LCLAT1: variants seen among roughly 807,000 people sequenced by gnomAD.
LCLAT1 encodes the protein 1-AGP acyltransferase 8.
A neutral mutation model predicts 30.7 loss-of-function variants in LCLAT1; 11 were observed. That is an observed-to-expected ratio of 0.36 (90% CI 0.23 to 0.59). The LOEUF (loss-of-function observed/expected upper bound fraction) is 0.59, where lower values mean the gene tolerates loss of function less well. Ranked by LOEUF, LCLAT1 falls within the 20% of genes least tolerant of loss-of-function variation. LCLAT1 has a pLI of 0.77. For synonymous variants in LCLAT1, 155 were observed against 151.3 expected (o/e 1.02, Z -0.18); for missense variants, 402 against 458.6 (o/e 0.88, Z 1.13).
intron 1 of LCLAT1, among the ~76,000 whole-genome samples, chr2:30,509,296 A>G (rs1160981312): frequency 6.6e-6 from 1 of 152,140 alleles, no homozygotes; most frequent in Non-Finnish European, 1.5e-5. Flanking sequence ...AGGATTTCCA[A>G]TTCTATGTTG....
intron 5 of LCLAT1, among the ~76,000 whole-genome samples, chr2:30,581,434 GT>G (rs1666209390): frequency 2.0e-5 from 3 of 152,176 alleles, no homozygotes; most frequent in Admixed American, 2.0e-4. Flanking sequence ...AAATTAGTAT[GT>G]TGAAGAGACA....
At chr2:30,598,727 T>G (rs183857969) in intron 5 of LCLAT1, among the ~76,000 whole-genome samples, 13 of 152,280 alleles carry the variant, frequency 8.5e-5, no homozygotes, top group African/African-American at 3.1e-4. Flanking sequence ...GTTCTCTAGT[T>G]CTTTTAGTTG....
chr2:30,564,989 T>C (rs898405874), intron 4 of LCLAT1, among the ~76,000 whole-genome samples: 1 of 152,170 alleles, frequency 6.6e-6, no homozygotes, highest in African/African-American at 2.4e-5. Flanking sequence ...AAGTGAACAC[T>C]ATTTTAATTT....
chr2:30,632,558 A>G (rs150570731), intron 5 of LCLAT1, among the ~76,000 whole-genome samples: 68 of 152,364 alleles, frequency 4.5e-4, no homozygotes, highest in African/African-American at 1.4e-3. Flanking sequence ...ACAAGGAGAA[A>G]GAAGGAAGGT....
Position 30,525,598 on chromosome 2 carries a change from C to T in LCLAT1, c.8C>T (p.Ser3Leu). The change falls in exon 2 of 6, where the codon TCA becomes TTA. Residue 3 changes from serine (S) to leucine (L), a missense_variant. Coordinates refer to ENST00000379509, the MANE Select transcript of LCLAT1 (RefSeq NM_001002257.3). The part of the protein sequence containing the change: MV[S>L]WKGIYFILTL... ...TTTATATCTTTCAGAATCATGGTGT[C>T]ATGGAAAGGGATTTACTTTATACTG... 1 of 1,612,734 alleles carries T rather than the reference C, an allele frequency of 6.2e-7. No individual in the cohort carries two copies. Among genetic ancestry groups the T allele is most frequent in the South Asian group, 1.1e-5 (1 of 91,008 alleles).
At chr2:30,540,514 A>T (rs1270645661) in intron 3 of LCLAT1, among the ~76,000 whole-genome samples, 2 of 152,340 alleles carry the variant, frequency 1.3e-5, no homozygotes, top group East Asian at 1.9e-4. Context: ...CATCCATAGG[A>T]ATTAAATCAA....
intron 5 of LCLAT1, among the ~76,000 whole-genome samples, chr2:30,636,012 G>T (rs1476082920): frequency 2.0e-5 from 3 of 152,096 alleles, no homozygotes; most frequent in African/African-American, 7.2e-5. Flanking sequence ...TGGCAACCAG[G>T]TACCCAAATG....
chr2:30,640,470 T>G lies in LCLAT1; in HGVS notation c.982T>G (p.Leu328Val). The part of the protein sequence containing the change: ...FSPAMCLLIY[L>V]YSLVKWYFII... ...CCCTGCAATGTGCCTACTCATATATTTGTACAGTCTTGTTAAGTGGTATTT... is the reference window on the plus strand; with the variant it reads ...CCCTGCAATGTGCCTACTCATATATGTGTACAGTCTTGTTAAGTGGTATTT... Residue 328 changes from leucine (L) to valine (V), a missense_variant, in exon 6 of 6, where the codon TTG (leucine) becomes GTG (valine). Physicochemically the swap from Leu to Val is conservative, Grantham distance 32. Coordinates refer to ENST00000379509, the MANE Select transcript of LCLAT1 (RefSeq NM_001002257.3). 1 of 1,614,184 alleles carries G rather than the reference T, an allele frequency of 6.2e-7. No homozygotes were observed.
intron 2 of LCLAT1, 114 bp downstream of exon 2, chr2:30,525,869 C>A: frequency 1.2e-6 from 1 of 807,738 alleles, no homozygotes; most frequent in Non-Finnish European, 2.0e-6. Flanking sequence ...ATATCCTAGG[C>A]ACATCCTTCT....
intron 3 of LCLAT1, among the ~76,000 whole-genome samples, chr2:30,538,411 G>A (rs568093916): frequency 2.6e-5 from 4 of 152,290 alleles, no homozygotes; most frequent in Non-Finnish European, 4.4e-5. Context: ...GGGAGGCCAA[G>A]GCGGGTGGAT....
At chr2:30,518,785 T>C (rs1414819538) in intron 1 of LCLAT1, among the ~76,000 whole-genome samples, 1 of 152,202 alleles carries the variant, frequency 6.6e-6, no homozygotes, top group East Asian at 1.9e-4. Flanking sequence ...TCTCAATTCT[T>C]GTTTGCCTTT....
intron 1 of LCLAT1, among the ~76,000 whole-genome samples, chr2:30,455,418 A>G (rs1681782968): frequency 1.3e-5 from 2 of 152,186 alleles, no homozygotes. Context: ...TTCTGAAATC[A>G]TTATCAGTCA....
chr2:30,488,995 CTTT>C (rs1243181155), intron 1 of LCLAT1, among the ~76,000 whole-genome samples: 1 of 152,148 alleles, frequency 6.6e-6, no homozygotes, highest in Non-Finnish European at 1.5e-5. Context: ...TCTGTAATCA[CTTT>C]TTGGCCCAGG....
chr2:30,630,715 G>A (rs1024279527), intron 5 of LCLAT1, among the ~76,000 whole-genome samples: 6 of 152,188 alleles, frequency 3.9e-5, no homozygotes, highest in African/African-American at 1.4e-4. Context: ...CTCTTCACCT[G>A]AGAGAAGTCC....
chr2:30,616,179 TTTG>T (rs906401101), intron 5 of LCLAT1, among the ~76,000 whole-genome samples: 16 of 152,290 alleles, frequency 1.1e-4, no homozygotes, highest in African/African-American at 3.6e-4. Flanking sequence ...GAACGGTTTT[TTTG>T]TTGTTGTATT....
At chr2:30,537,034 A>G (rs778767022) in intron 3 of LCLAT1, among the ~76,000 whole-genome samples, 45 of 152,370 alleles carry the variant, frequency 3.0e-4, no homozygotes, top group Middle Eastern at 3.4e-3. Context: ...AAGAAATTCT[A>G]TGCACATGGA....
At chr2:30,572,499 G>A (rs936142456) in intron 5 of LCLAT1, among the ~76,000 whole-genome samples, 3 of 152,128 alleles carry the variant, frequency 2.0e-5, no homozygotes, top group Admixed American at 1.3e-4. Context: ...CCATTCATAC[G>A]TATCCCCTAA....
intron 1 of LCLAT1, among the ~76,000 whole-genome samples, chr2:30,463,358 A>G (rs974043308): frequency 1.2e-4 from 18 of 152,148 alleles, no homozygotes; most frequent in African/African-American, 4.3e-4. Flanking sequence ...AAACGTTATC[A>G]TACATAGAGA....
intron 1 of LCLAT1, among the ~76,000 whole-genome samples, chr2:30,456,282 ACT>A (rs1242228807): frequency 6.6e-6 from 1 of 151,648 alleles, no homozygotes; most frequent in Non-Finnish European, 1.5e-5. Flanking sequence ...GAAAGTTCTG[ACT>A]CTCTGCTAGG....
Sources: gnomAD v4.1 joint callset for allele counts (sites outside exome capture counted in the v4.1 genomes callset) on GRCh38, gnomAD v4.1.1 for gene constraint, MANE v1.5 for transcripts, NCBI Gene and HGNC (gene_info 2026-07-23, HGNC 2026-07-21) for gene names.